Variants in PTPRG observed in about 807,000 individuals in gnomAD.
PTPRG encodes the protein receptor-type tyrosine-protein phosphatase gamma.
In PTPRG, 102 loss-of-function variants were observed where a neutral mutation model predicts 165.3. The observed-to-expected ratio is 0.62, with a 90% CI of 0.53 to 0.73. PTPRG has a LOEUF of 0.73. Ranked by LOEUF, PTPRG falls within the 30% of genes least tolerant of loss-of-function variation. The probability of loss-of-function intolerance (pLI) is 0.00; values close to 1 mark genes in which losing one functional copy is unlikely to be tolerated. For missense variants in PTPRG, 1,866 were observed against 1,861.4 expected (o/e 1.00, Z -0.05); for synonymous variants, 675 against 669.5 (o/e 1.01, Z -0.13).
At chr3:61,603,459 A>G (rs1165588671) in intron 1 of PTPRG, among the ~76,000 whole-genome samples, 2 of 152,234 alleles carry the variant, frequency 1.3e-5, no homozygotes, top group Non-Finnish European at 2.9e-5. Context: ...GAAGCCAAGT[A>G]GATGCCAGCA....
chr3:61,675,726 A>G (rs1011080596), intron 1 of PTPRG, among the ~76,000 whole-genome samples: 12 of 152,326 alleles, frequency 7.9e-5, no homozygotes, highest in African/African-American at 2.9e-4. Flanking sequence ...TTCAGCTGAA[A>G]CAAGGTTAGC....
chr3:61,583,228 G>A (rs948386119), intron 1 of PTPRG, among the ~76,000 whole-genome samples: 4 of 152,202 alleles, frequency 2.6e-5, no homozygotes, highest in African/African-American at 7.2e-5. Flanking sequence ...ATGTTGATAC[G>A]CATGGGAGCC....
At chr3:61,792,965 G>C (rs375258539) in intron 2 of PTPRG, among the ~76,000 whole-genome samples, 24 of 152,116 alleles carry the variant, frequency 1.6e-4, no homozygotes, top group Non-Finnish European at 3.1e-4. Flanking sequence ...CTGTCCTCAT[G>C]ATCTGGCCAC....
At chr3:61,715,571 C>G (rs2031768328) in intron 1 of PTPRG, among the ~76,000 whole-genome samples, 2 of 152,152 alleles carry the variant, frequency 1.3e-5, no homozygotes, top group African/African-American at 2.4e-5. Flanking sequence ...GTCTTGCCCC[C>G]TCACTCTACT....
At chr3:62,284,505 A>G (rs754549708) in intron 28 of PTPRG, among the ~76,000 whole-genome samples, 7 of 152,174 alleles carry the variant, frequency 4.6e-5, no homozygotes, top group Non-Finnish European at 7.4e-5. Context: ...TTTATCTACT[A>G]TCTGTAGGGG....
intron 5 of PTPRG, among the ~76,000 whole-genome samples, chr3:62,081,293 CAAA>C (rs1349665120): frequency 7.0e-6 from 1 of 143,454 alleles, no homozygotes; most frequent in African/African-American, 2.9e-5. Context: ...AACAAACAAA[CAAA>C]AACATAATTT....
At chr3:61,898,520 G>T (rs577154765) in intron 2 of PTPRG, among the ~76,000 whole-genome samples, 19 of 152,250 alleles carry the variant, frequency 1.2e-4, no homozygotes, top group Non-Finnish European at 2.5e-4. Context: ...GTTGAAGCAG[G>T]TTCTATTAGA....
At chr3:61,737,520 A>T (rs1048014614) in intron 1 of PTPRG, among the ~76,000 whole-genome samples, 1 of 152,104 alleles carries the variant, frequency 6.6e-6, no homozygotes, top group Non-Finnish European at 1.5e-5. Flanking sequence ...TAGTTTGCTG[A>T]CCAGAAGCAC....
chr3:61,776,869 C>T lies in PTPRG; in HGVS notation c.190+27887C>T, dbSNP rs1350645329. ...TGTTGCCAGATTTTTTATTTTGCTC[C>T]ACCCCTTAATTTGAATTAATTATTG... On this transcript the variant is annotated intron_variant, in intron 2 of 29. Transcript: ENST00000474889. Among the ~76,000 whole-genome samples, 9 of 152,100 alleles carry T rather than the reference C, an allele frequency of 5.9e-5. No homozygotes were observed. In the South Asian group the frequency reaches 1.9e-3, roughly 32 times the overall value.
At chr3:61,847,494 C>A (rs903942970) in intron 2 of PTPRG, among the ~76,000 whole-genome samples, 1 of 152,116 alleles carries the variant, frequency 6.6e-6, no homozygotes, top group Non-Finnish European at 1.5e-5. Context: ...ATTAGCACCC[C>A]AGGACACTCA....
chr3:62,143,320 G>A (rs1030323834), intron 6 of PTPRG, among the ~76,000 whole-genome samples: 10 of 152,078 alleles, frequency 6.6e-5, no homozygotes, highest in Admixed American at 6.6e-4. Context: ...TAGAACAAGC[G>A]ACTTTTGGGA....
At chr3:61,960,414 G>A (rs1447440232) in intron 2 of PTPRG, among the ~76,000 whole-genome samples, 1 of 151,996 alleles carries the variant, frequency 6.6e-6, no homozygotes, top group East Asian at 1.9e-4. Flanking sequence ...TGCCCTGCCA[G>A]GAACATGGCA....
rs1312902791 is a variant in PTPRG, at chr3:62,267,701, A to C, written c.2756A>C (p.Lys919Thr). Residue 919 changes from lysine to threonine, a missense_variant, in exon 19 of 30, where the codon AAA becomes ACA. Coordinates refer to ENST00000474889, the MANE Select transcript of PTPRG (RefSeq NM_002841.4). ...ANYVDGYNKA[K>T]AYIATQGPLK... ...ATTTTGAAGGGTTACAACAAAGCAA[A>C]AGCCTACATTGCCACCCAAGGACCT... 2 of 1,613,024 alleles carry C rather than the reference A, an allele frequency of 1.2e-6. No individual in the cohort carries two copies. Among genetic ancestry groups the C allele is most frequent in the Admixed American group, 1.7e-5 (1 of 59,920 alleles).
intron 1 of PTPRG, 65 bp downstream of exon 1, chr3:61,562,437 C>T (rs1004315981): frequency 2.0e-6 from 3 of 1,532,628 alleles, no homozygotes; most frequent in East Asian, 2.3e-5. Flanking sequence ...GGAGTTGTCG[C>T]CTGGGCGCGG....
In PTPRG at chr3:62,191,423, C is replaced by T. The variant is rs57829866; in HGVS notation, c.1034-46C>T. ...GTCCTTAGGGGCACGGATTGAATGG[C>T]GCATTGTTCTGAAAGCTCCCTGAGC... On this transcript the variant is annotated intron_variant, in intron 8 of 29. Coordinates refer to ENST00000474889, the MANE Select transcript of PTPRG (RefSeq NM_002841.4). The T allele has an allele frequency of 0.01, 16,136 of 1,577,214 alleles. 1,211 individuals are homozygous for T. In the African/African-American group the frequency reaches 0.18, roughly 17 times the overall value.
intron 8 of PTPRG, among the ~76,000 whole-genome samples, chr3:62,186,310 C>T (rs115587067): frequency 2.3e-4 from 35 of 152,192 alleles, no homozygotes; most frequent in African/African-American, 6.5e-4. Context: ...CAATGGAGGA[C>T]GCTCAAAACA....
rs1699926977 is a variant in PTPRG, at chr3:62,195,112, C to T, written c.1269C>T (p.Val423=). 3.1e-6 allele frequency: 5 copies of T among 1,614,262 alleles called. No homozygotes were observed. Among genetic ancestry groups the T allele is most frequent in the Non-Finnish European group, 3.4e-6 (4 of 1,180,052 alleles). The stretch of plus-strand genomic sequence containing the variant: ...CCGATAGCCTTTACCTGTTCCGAGT[C>T]CAGGCCGTGTGTCGGAACGACATGC... The part of the protein sequence containing the change: ...VSPDSLYLFR[V]QAVCRNDMRS... Residue 423 remains valine (V), a synonymous_variant, in exon 10 of 30, where the codon GTC becomes GTT. Transcript: ENST00000474889. The surrounding 1 kb of genome is among the most constrained non-coding windows in gnomAD (Gnocchi z 4.4).
At chr3:61,972,101 CA>C (rs1000266812) in intron 2 of PTPRG, among the ~76,000 whole-genome samples, 1 of 152,182 alleles carries the variant, frequency 6.6e-6, no homozygotes, top group African/African-American at 2.4e-5. Flanking sequence ...GAAGAAAGCA[CA>C]ATGGAAGACG....
intron 2 of PTPRG, among the ~76,000 whole-genome samples, chr3:61,811,432 C>G (rs537671966): frequency 7.2e-5 from 11 of 152,152 alleles, no homozygotes; most frequent in Non-Finnish European, 1.6e-4. Flanking sequence ...AGTATTGTTG[C>G]AGTAGAAATC....
Sources: gnomAD v4.1 joint callset for allele counts (sites outside exome capture counted in the v4.1 genomes callset) on GRCh38, gnomAD v4.1.1 for gene constraint, Gnocchi (gnomAD v3.1) non-coding constraint, MANE v1.5 for transcripts, NCBI Gene and HGNC (gene_info 2026-07-23, HGNC 2026-07-21) for gene names.